The following MRPL18 variants were observed in gnomAD, a reference collection of about 807,000 sequenced individuals.
MRPL18 encodes mitochondrial ribosomal protein L18.
In MRPL18, 16 loss-of-function variants were observed where a neutral mutation model predicts 20.9. The observed-to-expected ratio is 0.76, with a 90% CI of 0.52 to 1.16. MRPL18 has a LOEUF of 1.16. Among genes scored for constraint, MRPL18 ranks in the 50% most tolerant of loss-of-function variants. The probability of loss-of-function intolerance (pLI) is 0.00; values close to 1 mark genes in which losing one functional copy is unlikely to be tolerated. For synonymous variants in MRPL18, 91 were observed against 87.1 expected (o/e 1.04, Z -0.25); for missense variants, 233 against 230.6 (o/e 1.01, Z -0.07).
intron 2 of MRPL18, among the ~76,000 whole-genome samples, chr6:159,796,453 C>T (rs1339687702): frequency 1.3e-5 from 2 of 149,884 alleles, no homozygotes; most frequent in African/African-American, 2.5e-5. Context: ...GTACTCTAGC[C>T]TGAGAGACAG....
chr6:159,795,930 C>T (rs1781018555), intron 2 of MRPL18, among the ~76,000 whole-genome samples: 1 of 151,968 alleles, frequency 6.6e-6, no homozygotes, highest in Non-Finnish European at 1.5e-5. Context: ...ACTACAGGTG[C>T]ACACCATCAC....
chr6:159,793,142 G>A (rs1160750136), intron 2 of MRPL18, among the ~76,000 whole-genome samples: 2 of 151,994 alleles, frequency 1.3e-5, no homozygotes, highest in Non-Finnish European at 2.9e-5. Flanking sequence ...GCATTACTTT[G>A]ATTTAATATT....
At chr6:159,796,137 T>G (rs1189123146) in intron 2 of MRPL18, among the ~76,000 whole-genome samples, 1 of 151,044 alleles carries the variant, frequency 6.6e-6, no homozygotes, top group Non-Finnish European at 1.5e-5. Flanking sequence ...ACTTTTTTTT[T>G]TTTTTTTTTT....
chr6:159,792,963 C>T (rs1780938300), intron 2 of MRPL18, among the ~76,000 whole-genome samples: 1 of 150,732 alleles, frequency 6.6e-6, no homozygotes, highest in African/African-American at 2.4e-5. Context: ...ACTACCATGG[C>T]CGGCTAATTT....
At chr6:159,794,655 G>A (rs1780986750) in intron 2 of MRPL18, among the ~76,000 whole-genome samples, 1 of 152,182 alleles carries the variant, frequency 6.6e-6, no homozygotes, top group African/African-American at 2.4e-5. Context: ...GTGAGATTGA[G>A]CATATTTTTG....
At chr6:159,794,437 A>G (rs1166186151) in intron 2 of MRPL18, among the ~76,000 whole-genome samples, 1 of 152,262 alleles carries the variant, frequency 6.6e-6, no homozygotes, top group Non-Finnish European at 1.5e-5. Context: ...CATAAGCTTT[A>G]TCTATAAACC....
intron 2 of MRPL18, among the ~76,000 whole-genome samples, chr6:159,795,099 A>G (rs952249639): frequency 2.8e-4 from 42 of 152,364 alleles, no homozygotes; most frequent in African/African-American, 9.4e-4. Flanking sequence ...TGCTGCCCGC[A>G]TGTCCCACCT....
At position 159,790,580 on chromosome 6, in the gene MRPL18, T is replaced by C. The variant is rs778328171; in HGVS notation, c.-8T>C. On this transcript the variant is annotated 5_prime_UTR_variant, in exon 1 of 4. Transcript: ENST00000367034. ...AAGAGGCGAGGCTTTTCCGAGATCG[T>C]CTCAGCGATGGCGCTTCGGTCGCGG... is the stretch of plus-strand genomic sequence containing the variant. 3.1e-6 allele frequency: 5 copies of C among 1,611,172 alleles called. No individual in the cohort carries two copies. Among genetic ancestry groups the C allele is most frequent in the Middle Eastern group, 3.3e-4 (2 of 6,082 alleles).
chr6:159,797,583 C>A, intron 3 of MRPL18, 65 bp downstream of exon 3: 1 of 1,455,338 alleles, frequency 6.9e-7, no homozygotes, highest in Non-Finnish European at 9.5e-7. Context: ...AGATAACTTA[C>A]ATAATAATAA....
intron 2 of MRPL18, among the ~76,000 whole-genome samples, chr6:159,791,369 A>G (rs1780893903): frequency 6.6e-6 from 1 of 152,230 alleles, no homozygotes; most frequent in Non-Finnish European, 1.5e-5. Context: ...AAGAGGAAGA[A>G]GCCTAGTCAT....
Position 159,798,170 on chromosome 6 carries a change from C to A in MRPL18, c.*47C>A. ...AACATGTAAATATAAATCTGTCAGC[C>A]ACTACAGCCATCAAAAGAGAGCATC... On this transcript the variant is annotated 3_prime_UTR_variant, in exon 4 of 4. Coordinates refer to ENST00000367034, the MANE Select transcript of MRPL18 (RefSeq NM_014161.5). The A allele has an allele frequency of 6.8e-7, 1 of 1,473,610 alleles. No homozygotes were observed. The allele number at this position is 1,473,610 out of a possible 1,614,324, so 91.3% of individuals were successfully genotyped here.
At chr6:159,794,088 C>T (rs1018024147) in intron 2 of MRPL18, among the ~76,000 whole-genome samples, 3 of 152,114 alleles carry the variant, frequency 2.0e-5, no homozygotes, top group Non-Finnish European at 4.4e-5. Context: ...GTAACATATA[C>T]GTATGTTATA....
chr6:159,797,907 G>A, intron 3 of MRPL18, 145 bp from the exon 4 acceptor site: 1 of 657,420 alleles, frequency 1.5e-6, no homozygotes, highest in Non-Finnish European at 2.6e-6. Context: ...TCATTATTAA[G>A]ATCACTTTCT....
At chr6:159,795,940 C>T (rs552008126) in intron 2 of MRPL18, among the ~76,000 whole-genome samples, 25 of 152,094 alleles carry the variant, frequency 1.6e-4, no homozygotes, top group African/African-American at 5.1e-4. Context: ...CACACCATCA[C>T]GCCTGGCTGA....
intron 2 of MRPL18, among the ~76,000 whole-genome samples, 194 bp downstream of exon 2, chr6:159,791,320 C>T (rs1386921403): frequency 1.3e-5 from 2 of 152,136 alleles, no homozygotes; most frequent in Non-Finnish European, 2.9e-5. Flanking sequence ...GACAGGATAC[C>T]TGCCTGTCTG....
chr6:159,791,180 C>G, intron 2 of MRPL18, 54 bp downstream of exon 2: 1 of 1,589,334 alleles, frequency 6.3e-7, no homozygotes, highest in Non-Finnish European at 8.6e-7. Flanking sequence ...AGACTATTTT[C>G]ATTCATTCAA....
At chr6:159,790,202 C>T (rs1311202427), upstream of MRPL18, 5 of 297,260 alleles carry the variant, frequency 1.7e-5, no homozygotes, top group African/African-American at 2.1e-5. Flanking sequence ...ACGCGGTGCC[C>T]AGGTGGGGTG....
Position 159,798,313 on chromosome 6 carries a change from C to A in MRPL18, c.*190C>A. ...TTTAAATCAAGAACTACGTTCTGCC[C>A]CTCTCTTGGGCTTCAGAAGCATCTA... On this transcript the variant is annotated 3_prime_UTR_variant, in exon 4 of 4. Coordinates refer to ENST00000367034, the MANE Select transcript of MRPL18 (RefSeq NM_014161.5). The A allele has an allele frequency of 2.1e-6, 1 of 486,264 alleles. No individual in the cohort carries two copies. The highest frequency in any genetic ancestry group is 3.6e-6 in the Non-Finnish European group (1 of 276,576). 30.1% of individuals were successfully genotyped at this position (486,264 alleles called of 1,614,324 possible).
chr6:159,792,460 A>G (rs950242820), intron 2 of MRPL18, among the ~76,000 whole-genome samples: 4 of 152,210 alleles, frequency 2.6e-5, no homozygotes, highest in Non-Finnish European at 5.9e-5. Context: ...TATCCCTGTC[A>G]TCAAAAGTCT....
Sources: gnomAD v4.1 joint callset for allele counts (sites outside exome capture counted in the v4.1 genomes callset) on GRCh38, gnomAD v4.1.1 for gene constraint, MANE v1.5 for transcripts, NCBI Gene and HGNC (gene_info 2026-07-23, HGNC 2026-07-21) for gene names.